CENPL: variants seen among roughly 807,000 people sequenced by gnomAD.
CENPL encodes the protein interphase centromere complex protein 33.
In CENPL, 20 loss-of-function variants were observed where a neutral mutation model predicts 35.2. That is an observed-to-expected ratio of 0.57 (90% CI 0.40 to 0.83). CENPL has a LOEUF of 0.83. Ranked by LOEUF, CENPL falls within the 40% of genes least tolerant of loss-of-function variation. The pLI, the probability that CENPL is intolerant of heterozygous loss-of-function variation, is 0.00. For synonymous variants in CENPL, 140 were observed against 140.6 expected (o/e 1.00, Z 0.03); for missense variants, 363 against 395.8 (o/e 0.92, Z 0.70).
intron 2 of CENPL, among the ~76,000 whole-genome samples, chr1:173,813,772 G>A (rs1223290377): frequency 5.9e-5 from 9 of 152,078 alleles, no homozygotes; most frequent in South Asian, 2.1e-4. Flanking sequence ...ATCAACTAAC[G>A]GGCAAAATAA....
rs759837356 is a variant in CENPL, at chr1:173,807,223, T to A, written c.420+44A>T. 3.7e-5 allele frequency: 55 copies of A among 1,471,476 alleles called. No homozygotes were observed. In the East Asian group the frequency reaches 6.9e-4, roughly 18 times the overall value. 91.2% of individuals were successfully genotyped at this position (1,471,476 alleles called of 1,614,324 possible). On this transcript the variant is annotated intron_variant, in intron 4 of 5. Coordinates refer to ENST00000682279, the MANE Select transcript of CENPL (RefSeq NM_001387287.1). ...TATTATAGTTTAGTCAAACAAGACA[T>A]AATACTTTTCCCCTAGGAAGCAAGA...
At chr1:173,804,096 A>G (rs1650004088) in intron 4 of CENPL, among the ~76,000 whole-genome samples, 1 of 152,206 alleles carries the variant, frequency 6.6e-6, no homozygotes, top group Non-Finnish European at 1.5e-5. Context: ...AACAAAAAAA[A>G]CCCCTCAACT....
At chr1:173,822,646 C>T (rs570741168) in intron 2 of CENPL, 24 of 152,164 alleles carry the variant, frequency 1.6e-4, no homozygotes, top group Admixed American at 7.2e-4. Flanking sequence ...ATTTTCTTTC[C>T]CCACTAAAAA....
Position 173,811,324 on chromosome 1 carries a change from A to C in CENPL, c.-7-18T>G. 6.4e-7 allele frequency: 1 copy of C among 1,552,706 alleles called. No homozygotes were observed. The highest frequency in any genetic ancestry group is 8.8e-7 in the Non-Finnish European group (1 of 1,136,980). On this transcript the variant is annotated intron_variant, in intron 2 of 5. Coordinates refer to ENST00000682279, the MANE Select transcript of CENPL (RefSeq NM_001387287.1). ...TGGTCTGTCTGCATAAGAAGAAACAAAACCAGAATTCTAAGCACTAAAAAG... is the reference window on the plus strand; with the variant it reads ...TGGTCTGTCTGCATAAGAAGAAACACAACCAGAATTCTAAGCACTAAAAAG...
intron 2 of CENPL, among the ~76,000 whole-genome samples, chr1:173,817,973 G>A (rs900820818): frequency 6.6e-6 from 1 of 152,034 alleles, no homozygotes; most frequent in Non-Finnish European, 1.5e-5. Context: ...TTGGACACAG[G>A]GCGGGGAATA....
chr1:173,803,555 T>G, intron 4 of CENPL, 50 bp from the exon 5 acceptor site: 1 of 1,465,828 alleles, frequency 6.8e-7, no homozygotes, highest in Non-Finnish European at 9.1e-7. Context: ...CATTTACTTC[T>G]AAATTCCATC....
At chr1:173,802,183 C>A (rs1431024214) in intron 5 of CENPL, among the ~76,000 whole-genome samples, 1 of 151,976 alleles carries the variant, frequency 6.6e-6, no homozygotes, top group Admixed American at 6.6e-5. Flanking sequence ...ATTTTAGGAG[C>A]CAATTCTCAG....
At position 173,799,830 on chromosome 1, in the gene CENPL, T is replaced by TA. The variant is rs1649592276; in HGVS notation, c.*617dup. On this transcript the variant is annotated 3_prime_UTR_variant, in exon 6 of 6. Transcript: ENST00000682279. ...ACATCTCATTTGAATCCTAAGAGTT[T>TA]AAACATAATAAACGCTGTATTTATT... is the stretch of plus-strand genomic sequence containing the variant. 1.3e-5 allele frequency: 2 copies of TA among 152,226 alleles called. No homozygotes were observed. Among genetic ancestry groups the TA allele is most frequent in the South Asian group, 4.1e-4 (2 of 4,836 alleles). The allele number at this position is 152,226 out of a possible 1,614,324, so 9.4% of individuals were successfully genotyped here. A position where few individuals can be genotyped will look rare whatever the true frequency, so the allele number is the denominator to read the frequency against.
chr1:173,815,038 T>C (rs1011569480), intron 2 of CENPL, among the ~76,000 whole-genome samples: 2 of 152,048 alleles, frequency 1.3e-5, no homozygotes, highest in African/African-American at 4.8e-5. Context: ...CAAACTACCA[T>C]CAGAGAATAC....
At chr1:173,809,040 C>G (rs918678385) in intron 3 of CENPL, among the ~76,000 whole-genome samples, 1 of 151,952 alleles carries the variant, frequency 6.6e-6, no homozygotes, top group Non-Finnish European at 1.5e-5. Context: ...AACAAATTTA[C>G]AAGAAAAAAA....
At position 173,811,177 on chromosome 1, in the gene CENPL, G is replaced by C; in HGVS notation, c.123C>G (p.Ile41Met). 1.2e-6 allele frequency: 2 copies of C among 1,614,004 alleles called. No homozygotes were observed. The highest frequency in any genetic ancestry group is 1.7e-6 in the Non-Finnish European group (2 of 1,179,906). The change falls in exon 3 of 6, where the codon ATC becomes ATG. Residue 41 changes from isoleucine to methionine, a missense_variant. Physicochemically the swap from Ile to Met is conservative, Grantham distance 10. Coordinates refer to ENST00000682279, the MANE Select transcript of CENPL (RefSeq NM_001387287.1). ...LESVRKQSSF[I>M]LTPPRRKIPQ... ...GAATTTTCCTTCGAGGTGGAGTCAG[G>C]ATAAATGAACTCTGCTTCCTGACCG...
intron 4 of CENPL, 78 bp downstream of exon 4, chr1:173,807,189 A>G (rs760851385): frequency 1.6e-6 from 2 of 1,289,952 alleles, no homozygotes; most frequent in Non-Finnish European, 2.0e-6. Flanking sequence ...TAAGTTGATT[A>G]TATCTAATTA....
rs559531329 is a variant in CENPL at position 173,816,064 on chromosome 1, G to C, written c.-7-4758C>G. Among the ~76,000 whole-genome samples, 158 of 152,144 alleles carry C rather than the reference G, an allele frequency of 1.0e-3. 1 individual carries two copies. The highest frequency in any genetic ancestry group is 4.3e-3 in the Admixed American group (65 of 15,264). On this transcript the variant is annotated intron_variant, in intron 2 of 5. Coordinates refer to ENST00000682279, the MANE Select transcript of CENPL (RefSeq NM_001387287.1). ...AATAACAGACAGAGAGCAAAATCAT[G>C]AGTGAACTCCCACTCACAATTGCTA...
chr1:173,816,137 G>T (rs1218718434), intron 2 of CENPL, among the ~76,000 whole-genome samples: 1 of 152,174 alleles, frequency 6.6e-6, no homozygotes, highest in Admixed American at 6.5e-5. Context: ...GGATGTGAAG[G>T]ATCTCTTCAA....
intron 2 of CENPL, among the ~76,000 whole-genome samples, chr1:173,818,957 G>C (rs941996732): frequency 1.3e-5 from 2 of 152,140 alleles, no homozygotes; most frequent in African/African-American, 4.8e-5. Flanking sequence ...AATTAGGGCC[G>C]GGCATGGTAG....
chr1:173,814,491 C>G (rs1160781862), intron 2 of CENPL, among the ~76,000 whole-genome samples: 5 of 152,156 alleles, frequency 3.3e-5, no homozygotes, highest in Non-Finnish European at 4.4e-5. Context: ...GTCTCTCAGA[C>G]CACAGTACAA....
intron 2 of CENPL, among the ~76,000 whole-genome samples, chr1:173,813,729 T>C (rs1651070995): frequency 1.3e-5 from 2 of 151,898 alleles, no homozygotes; most frequent in African/African-American, 4.8e-5. Flanking sequence ...ACACGCGAAA[T>C]TGTAAAGATC....
Position 173,803,399 on chromosome 1 carries a change from T to C in CENPL, c.527A>G (p.Glu176Gly). 1 of 1,614,086 alleles carries C rather than the reference T, an allele frequency of 6.2e-7. No individual in the cohort carries two copies. Among genetic ancestry groups the C allele is most frequent in the Non-Finnish European group, 8.5e-7 (1 of 1,179,948 alleles). Residue 176 changes from glutamate to glycine, a missense_variant, in exon 5 of 6, where the codon GAA becomes GGA. Glu to Gly is a moderately conservative substitution (Grantham distance 98). Transcript: ENST00000682279. Reference sequence around the variant, plus strand: ...GAATAAGGGCAGACAGGTGAAATCTTCTGAAACAGTCTCCAGAAGACTGTC... The same window carrying C: ...GAATAAGGGCAGACAGGTGAAATCTCCTGAAACAGTCTCCAGAAGACTGTC... The part of the protein sequence containing the change: ...FGDSLLETVS[E>G]DFTCLPLFLA...
chr1:173,816,727 A>C (rs1651417787), intron 2 of CENPL, among the ~76,000 whole-genome samples: 1 of 152,206 alleles, frequency 6.6e-6, no homozygotes, highest in Non-Finnish European at 1.5e-5. Context: ...AAACCATAAA[A>C]ACCCTAGAAG....
Sources: gnomAD v4.1 joint callset for allele counts (sites outside exome capture counted in the v4.1 genomes callset) on GRCh38, gnomAD v4.1.1 for gene constraint, MANE v1.5 for transcripts, NCBI Gene and HGNC (gene_info 2026-07-23, HGNC 2026-07-21) for gene names.